OVCH2: variants seen among roughly 807,000 people sequenced by gnomAD.
OVCH2 encodes ovochymase-2.
In OVCH2, 88 loss-of-function variants were observed where a neutral mutation model predicts 73.7. The ratio of observed to expected loss-of-function variants is 1.19; its 90% CI spans 1.01 to 1.43. OVCH2 has a LOEUF of 1.43. Among genes scored for constraint, OVCH2 ranks in the 40% most tolerant of loss-of-function variants. The probability of loss-of-function intolerance (pLI) is 0.00; values close to 1 mark genes in which losing one functional copy is unlikely to be tolerated. For synonymous variants in OVCH2, 265 were observed against 234.5 expected, an observed-to-expected ratio of 1.13 and a Z score of -1.19; for missense variants, 706 against 674.5, an observed-to-expected ratio of 1.05 and a Z score of -0.52.
intron 12 of OVCH2, among the ~76,000 whole-genome samples, chr11:7,694,449 T>C (rs1458043442): frequency 6.6e-6 from 1 of 152,130 alleles, no homozygotes; most frequent in African/African-American, 2.4e-5. Context: ...CTGGTTCCTC[T>C]AGGCTTGCTC....
At chr11:7,695,400 C>G (rs1856309967) in intron 11 of OVCH2, among the ~76,000 whole-genome samples, 170 bp downstream of exon 11, 1 of 152,196 alleles carries the variant, frequency 6.6e-6, no homozygotes. Context: ...AGGGTGAACT[C>G]AGGGTTGAGG....
At chr11:7,688,262 G>C (rs965252617), downstream of OVCH2, among the ~76,000 whole-genome samples, 2 of 152,122 alleles carry the variant, frequency 1.3e-5, no homozygotes, top group African/African-American at 4.8e-5. Flanking sequence ...TCCCAGGCTT[G>C]ATTCTTAATT....
At chr11:7,696,385 A>G (rs1263881762) in intron 10 of OVCH2, 80 bp downstream of exon 10, 1 of 1,554,464 alleles carries the variant, frequency 6.4e-7, no homozygotes, top group East Asian at 2.3e-5. Context: ...CAGATGGCTG[A>G]GTGCCAGACA....
chr11:7,698,843 T>A, intron 7 of OVCH2, 70 bp from the exon 8 acceptor site: 4 of 1,498,412 alleles, frequency 2.7e-6, no homozygotes, highest in Non-Finnish European at 3.7e-6. Context: ...GAAGTTAGCA[T>A]CTTCTTGGCG....
chr11:7,702,350 A>T, intron 3 of OVCH2, 21 bp from the exon 4 acceptor site: 1 of 1,550,332 alleles, frequency 6.5e-7, no homozygotes, highest in Non-Finnish European at 8.7e-7. Flanking sequence ...CAAAGAGTAA[A>T]ATGAATGAAT....
chr11:7,689,639 C>T, intron 15 of OVCH2, 37 bp from the exon 16 acceptor site: 1 of 510,826 alleles, frequency 2.0e-6, no homozygotes, highest in Admixed American at 2.3e-5. Flanking sequence ...CTGCCTTCAT[C>T]ATTACACGAT....
intron 12 of OVCH2, among the ~76,000 whole-genome samples, chr11:7,694,398 A>G (rs1032674570): frequency 9.2e-5 from 14 of 152,024 alleles, no homozygotes; most frequent in Non-Finnish European, 1.6e-4. Context: ...AGGACACCTT[A>G]AGACCCTCTT....
chr11:7,701,236 A>G, intron 6 of OVCH2, 88 bp downstream of exon 6: 2 of 1,444,792 alleles, frequency 1.4e-6, no homozygotes, highest in Non-Finnish European at 1.8e-6. Context: ...AATTAAATTA[A>G]ATTTCACTGA....
intron 8 of OVCH2, among the ~76,000 whole-genome samples, 200 bp downstream of exon 8, chr11:7,698,550 G>C (rs891293914): frequency 6.6e-6 from 1 of 152,188 alleles, no homozygotes; most frequent in Non-Finnish European, 1.5e-5. Context: ...AATTGGGACA[G>C]AGCTCTGGAT....
chr11:7,689,881 G>T, intron 15 of OVCH2, 43 bp downstream of exon 15: 1 of 1,199,486 alleles, frequency 8.3e-7, no homozygotes, highest in South Asian at 1.3e-5. Flanking sequence ...TTGAACCCTG[G>T]ATTATACTCT....
chr11:7,690,121 A>T, intron 14 of OVCH2, 108 bp from the exon 15 acceptor site: 1 of 778,074 alleles, frequency 1.3e-6, no homozygotes, highest in African/African-American at 1.7e-5. Flanking sequence ...GGGGCACCTC[A>T]GCCAGCTAGA....
At chr11:7,705,676 C>A (rs1188135207) in intron 1 of OVCH2, 1 of 152,150 alleles carries the variant, frequency 6.6e-6, no homozygotes, top group African/African-American at 2.4e-5. Context: ...TGATCCTGAA[C>A]CCAGTGCCAG....
At position 7,700,324 on chromosome 11, in the gene OVCH2, A is replaced by G. The variant is rs1430080001; in HGVS notation, c.873T>C (p.Leu291=). The change falls in exon 7 of 16, where the codon CTT becomes CTC. Residue 291 remains leucine, a synonymous_variant. Coordinates refer to ENST00000533663, the MANE Select transcript of OVCH2 (RefSeq NM_198185.7). ...TTTGGATGTGTTCGTGGATCCAGGG[A>G]AGCACTTTACTAATGTCTGTGAAGA... ...PGIFTDISKV[L]PWIHEHIQTG... 15 of 1,613,750 alleles carry G rather than the reference A, an allele frequency of 9.3e-6. No individual in the cohort carries two copies. In the Admixed American group the frequency reaches 2.5e-4, roughly 27 times the overall value.
intron 4 of OVCH2, 111 bp downstream of exon 4, chr11:7,702,046 T>G: frequency 3.8e-6 from 4 of 1,043,084 alleles, no homozygotes. Flanking sequence ...CCAGCCTAAA[T>G]TCCTATCTCA....
rs762138231 is a variant in OVCH2 at position 7,698,751 on chromosome 11, T to A, written c.924A>T (p.Arg308Ser). ...IQTGNRRKSS[R>S]AWCSEQDVIV... ...GAGCAGCCTGCAAGGGATACCCACC[T>A]CTGGAGCTCTTTCTCCGATTACCTG... is the stretch of plus-strand genomic sequence containing the variant. The change falls in exon 8 of 16, where the codon AGA (arginine) becomes AGT (serine). Residue 308 changes from arginine (R) to serine (S), a missense_variant and splice_region_variant. Arg to Ser is a moderately radical substitution (Grantham distance 110). Coordinates refer to ENST00000533663, the MANE Select transcript of OVCH2 (RefSeq NM_198185.7). The A allele has an allele frequency of 6.2e-7, 1 of 1,612,584 alleles. No individual in the cohort carries two copies. Among genetic ancestry groups the A allele is most frequent in the Non-Finnish European group, 8.5e-7 (1 of 1,179,438 alleles).
chr11:7,693,573 A>G (rs1024972977), intron 12 of OVCH2, among the ~76,000 whole-genome samples: 3 of 152,200 alleles, frequency 2.0e-5, no homozygotes, highest in African/African-American at 7.2e-5. Context: ...ATTTTCAACT[A>G]AATTTCCTCT....
At chr11:7,689,368 A>G, downstream of OVCH2, 1 of 234,288 alleles carries the variant, frequency 4.3e-6, no homozygotes. Context: ...GTCAGCCCCC[A>G]CAATTGTGTA....
chr11:7,689,570 G>A lies in OVCH2; in HGVS notation c.*64C>T, dbSNP rs907070818. On this transcript the variant is annotated 3_prime_UTR_variant, in exon 16 of 16. Coordinates refer to ENST00000533663, the MANE Select transcript of OVCH2 (RefSeq NM_198185.7). ...CCCCAAGCCTCTCCTCTAGCTTCTG[G>A]TGGTTTACTGACAGTCACTGGTGCC... is the stretch of plus-strand genomic sequence containing the variant. The A allele has an allele frequency of 2.2e-5, 10 of 461,696 alleles. No homozygotes were observed. Among genetic ancestry groups the A allele is most frequent in the Admixed American group, 7.0e-5 (3 of 42,710 alleles). The allele number at this position is 461,696 out of a possible 1,614,324, so 28.6% of individuals were successfully genotyped here. A position where few individuals can be genotyped will look rare whatever the true frequency, so the allele number is the denominator to read the frequency against.
At position 7,691,292 on chromosome 11, in the gene OVCH2, G is replaced by A. The variant is rs4633461; in HGVS notation, c.1616C>T (p.Thr539Ile). 233,377 of 1,612,080 alleles carry A rather than the reference G, an allele frequency of 0.14. 17,848 individuals carry two copies. Among genetic ancestry groups the A allele is most frequent in the African/African-American group, 0.26 (19,201 of 74,896 alleles). ...ACCTGCTTTAGGAATGAAGGAGACT[G>A]TAGCCTGAAAGCCCCTGCAGGTCCC... ...ENGTCRGFQA[T>I]VSFIPKAVYP... Residue 539 changes from threonine (T) to isoleucine (I), a missense_variant, in exon 14 of 16, where the codon ACA (threonine) becomes ATA (isoleucine). Thr to Ile is a moderately conservative substitution (Grantham distance 89). Coordinates refer to ENST00000533663, the MANE Select transcript of OVCH2 (RefSeq NM_198185.7).
Sources: allele counts gnomAD v4.1 joint callset (sites outside exome capture counted in the v4.1 genomes callset), GRCh38; gene constraint gnomAD v4.1.1; transcripts MANE v1.5; gene names NCBI Gene and HGNC (gene_info 2026-07-23, HGNC 2026-07-21).